ERICH6B: variants seen among roughly 807,000 people sequenced by gnomAD.
ERICH6B encodes glutamate rich 6B.
Under a neutral mutation model 80.0 loss-of-function variants are expected in ERICH6B, and 69 were observed. The observed-to-expected ratio is 0.86, with a 90% CI of 0.71 to 1.05. The LOEUF is 1.05. Ranked by LOEUF, ERICH6B falls within the 50% of genes least tolerant of loss-of-function variation. ERICH6B has a pLI of 0.00. For synonymous variants in ERICH6B, 283 were observed against 291.9 expected (o/e 0.97, Z 0.31); for missense variants, 754 against 796.1 (o/e 0.95, Z 0.64).
chr13:45,567,323 T>C (rs1874959376), intron 9 of ERICH6B, among the ~76,000 whole-genome samples: 1 of 152,112 alleles, frequency 6.6e-6, no homozygotes, highest in Non-Finnish European at 1.5e-5. Context: ...GAAGGCATGA[T>C]TGGTTTTGAA....
intron 5 of ERICH6B, among the ~76,000 whole-genome samples, chr13:45,582,620 A>G (rs180959672): frequency 2.5e-3 from 385 of 152,342 alleles, no homozygotes; most frequent in Middle Eastern, 0.024. Flanking sequence ...AGCCTATTAT[A>G]AAAAATGTTG....
intron 11 of ERICH6B, among the ~76,000 whole-genome samples, chr13:45,550,680 C>G (rs966150333): frequency 7.2e-5 from 11 of 152,126 alleles, no homozygotes; most frequent in Admixed American, 5.9e-4. Flanking sequence ...AGGGTTGGTT[C>G]CTTCTAGAGG....
chr13:45,575,631 C>T (rs905294203), intron 7 of ERICH6B, among the ~76,000 whole-genome samples: 3 of 152,172 alleles, frequency 2.0e-5, no homozygotes, highest in Non-Finnish European at 4.4e-5. Context: ...TCTAGAATTG[C>T]GTATGATTCA....
chr13:45,568,480 C>T, intron 8 of ERICH6B, 29 bp from the exon 9 acceptor site: 1 of 1,460,862 alleles, frequency 6.8e-7, no homozygotes. Context: ...ATGAAATATT[C>T]AGAAAATGGA....
chr13:45,566,355 C>A (rs1020528594), intron 9 of ERICH6B, among the ~76,000 whole-genome samples: 4 of 152,260 alleles, frequency 2.6e-5, no homozygotes, highest in Admixed American at 2.6e-4. Flanking sequence ...GAATGTTAAT[C>A]CCCAAGACAA....
At chr13:45,566,372 G>C (rs1022403657) in intron 9 of ERICH6B, among the ~76,000 whole-genome samples, 1 of 152,260 alleles carries the variant, frequency 6.6e-6, no homozygotes, top group African/African-American at 2.4e-5. Context: ...ACAATGGGGA[G>C]AATGTCTCCA....
At chr13:45,543,828 G>T (rs1873883415) in intron 14 of ERICH6B, among the ~76,000 whole-genome samples, 1 of 152,172 alleles carries the variant, frequency 6.6e-6, no homozygotes, top group Admixed American at 6.5e-5. Context: ...GTCTAGAGAA[G>T]AGTTTGTTTG....
Position 45,579,938 on chromosome 13 carries a change from T to C in ERICH6B, c.956A>G (p.Glu319Gly), listed in dbSNP as rs1875585375. Residue 319 changes from glutamate to glycine, a missense_variant, in exon 7 of 15, where the codon GAA (glutamate) becomes GGA (glycine). Transcript: ENST00000298738. ...GCATTATGTCAGATGCTCACCATTT[T>C]CTTCCTTTTTTTGCTGTACTTTAGT... ...VNTKVQQKKE[E>G]NVLEFASKEN... 7 of 1,551,874 alleles carry C rather than the reference T, an allele frequency of 4.5e-6. No individual in the cohort carries two copies. In the East Asian group the frequency reaches 1.7e-4, roughly 38 times the overall value.
chr13:45,563,226 C>A (rs1362790785), intron 10 of ERICH6B, among the ~76,000 whole-genome samples: 1 of 152,138 alleles, frequency 6.6e-6, no homozygotes, highest in Non-Finnish European at 1.5e-5. Context: ...CCCACTCCCC[C>A]AAATCTGTGT....
At chr13:45,608,814 G>C (rs1179987158) in intron 1 of ERICH6B, among the ~76,000 whole-genome samples, 3 of 152,278 alleles carry the variant, frequency 2.0e-5, no homozygotes, top group Admixed American at 1.3e-4. Flanking sequence ...AACCTTTAGG[G>C]ATTTCTTTTG....
chr13:45,595,500 T>C (rs1876324613), intron 3 of ERICH6B, among the ~76,000 whole-genome samples: 1 of 151,924 alleles, frequency 6.6e-6, no homozygotes, highest in African/African-American at 2.4e-5. Context: ...TGTGTGTGTA[T>C]GTGTATATAT....
rs555561141 is a variant in ERICH6B, at chr13:45,596,700, C to A, written c.306G>T (p.Gly102=). The A allele has an allele frequency of 1.9e-6, 3 of 1,551,920 alleles. 1 individual carries two copies. In the South Asian group the frequency reaches 3.6e-5, roughly 18 times the overall value. The change falls in exon 3 of 15, where the codon GGG becomes GGT. Residue 102 remains glycine (G), a synonymous_variant. Coordinates refer to ENST00000298738, the MANE Select transcript of ERICH6B (RefSeq NM_182542.3). ...CAATATACTCTTCCTCCTCCAGATA[C>A]CCTGCCTTCTCCAGATACTCTTCCT... The part of the protein sequence containing the change: ...LEEEEYLEKA[G]YLEEEEYIEE...
chr13:45,545,042 C>G, intron 13 of ERICH6B, 57 bp from the exon 14 acceptor site: 1 of 1,347,678 alleles, frequency 7.4e-7, no homozygotes, highest in Non-Finnish European at 1.0e-6. Context: ...GGCCTCTGCT[C>G]CTCCTCTTCT....
intron 2 of ERICH6B, among the ~76,000 whole-genome samples, chr13:45,604,690 G>GA (rs1446189535): frequency 1.3e-5 from 2 of 150,530 alleles, no homozygotes; most frequent in Non-Finnish European, 2.9e-5. Context: ...TTTTTGGCTG[G>GA]AAAAAACAAA....
intron 2 of ERICH6B, among the ~76,000 whole-genome samples, chr13:45,599,863 C>T (rs777431809): frequency 1.3e-5 from 2 of 152,132 alleles, no homozygotes; most frequent in African/African-American, 2.4e-5. Context: ...AGAGGATTCC[C>T]GTGGCCATTT....
intron 13 of ERICH6B, among the ~76,000 whole-genome samples, chr13:45,547,188 G>C (rs1874027588): frequency 6.6e-6 from 1 of 152,180 alleles, no homozygotes; most frequent in Admixed American, 6.5e-5. Flanking sequence ...GGCTGAGTAA[G>C]AATTAAATGT....
chr13:45,589,705 C>G (rs185688243), intron 4 of ERICH6B, among the ~76,000 whole-genome samples: 1 of 152,212 alleles, frequency 6.6e-6, no homozygotes, highest in Admixed American at 6.5e-5. Context: ...AAGGTGGTCA[C>G]GTCACTGTCA....
chr13:45,567,390 T>C (rs2137983879), intron 9 of ERICH6B, among the ~76,000 whole-genome samples: 1 of 152,300 alleles, frequency 6.6e-6, no homozygotes, highest in East Asian at 1.9e-4. Flanking sequence ...TTTGGCTGTG[T>C]TCCCACCCAA....
intron 2 of ERICH6B, among the ~76,000 whole-genome samples, chr13:45,605,081 A>T (rs547367761): frequency 7.0e-4 from 106 of 151,878 alleles, no homozygotes; most frequent in African/African-American, 2.5e-3. Flanking sequence ...GGCCACTCCC[A>T]CTTTTCTCCC....
Sources: allele counts gnomAD v4.1 joint callset (sites outside exome capture counted in the v4.1 genomes callset), GRCh38; gene constraint gnomAD v4.1.1; transcripts MANE v1.5; gene names NCBI Gene and HGNC (gene_info 2026-07-23, HGNC 2026-07-21).